Variants in SAMD12 observed in about 807,000 individuals in gnomAD.
SAMD12 encodes the protein sterile alpha motif domain containing 12.
SAMD12 carries 9 observed loss-of-function variants against 15.0 expected under a neutral mutation model. The ratio of observed to expected loss-of-function variants is 0.60; its 90% CI spans 0.36 to 1.05. The LOEUF (loss-of-function observed/expected upper bound fraction) is 1.05. Among genes scored for constraint, SAMD12 ranks in the 50% least tolerant of loss-of-function variants. The pLI is 0.01. For missense variants in SAMD12, 230 were observed against 234.2 expected, an observed-to-expected ratio of 0.98 and a Z score of 0.12; for synonymous variants, 86 against 90.1, an observed-to-expected ratio of 0.96 and a Z score of 0.25.
chr8:118,388,553 C>A (rs950909893), intron 3 of SAMD12, among the ~76,000 whole-genome samples: 1 of 152,088 alleles, frequency 6.6e-6, no homozygotes, highest in African/African-American at 2.4e-5. Flanking sequence ...TCACTCCCAC[C>A]CCTTCCCATA....
chr8:118,340,398 A>C (rs1348983831), intron 4 of SAMD12, among the ~76,000 whole-genome samples: 1 of 152,186 alleles, frequency 6.6e-6, no homozygotes, highest in East Asian at 1.9e-4. Flanking sequence ...TGTCTGTATC[A>C]TTCTTGCCCT....
Position 118,529,593 on chromosome 8 carries a change from A to G in SAMD12, c.192+51122T>C, listed in dbSNP as rs571182689. Among the ~76,000 whole-genome samples the G allele has an allele frequency of 7.2e-5, 11 of 152,144 alleles. No homozygotes were observed. In the East Asian group the frequency reaches 2.1e-3, roughly 29 times the overall value. ...GCCAGTGTCTATTATTCCACTCTCT[A>G]GGTCAATGCACACACATTATTTAGC... is the stretch of plus-strand genomic sequence containing the variant. On this transcript the variant is annotated intron_variant, in intron 2 of 3. Coordinates refer to ENST00000314727, the MANE Select transcript of SAMD12 (RefSeq NM_207506.3).
chr8:118,439,902 C>T lies in SAMD12; in HGVS notation c.252G>A (p.Lys84=), dbSNP rs1822685203. ...VALWTQQDVC[K]WLKKHCPNQY... is the part of the protein sequence containing the mutation. ...GATTCGGACAATGTTTCTTCAACCA[C>T]TTGCAGACATCCTGCTGGGTCCATA... The change falls in exon 3 of 4, where the codon AAG becomes AAA. Residue 84 remains lysine, a synonymous_variant. Transcript: ENST00000314727. 1 of 1,613,416 alleles carries T rather than the reference C, an allele frequency of 6.2e-7. No individual in the cohort carries two copies. Among genetic ancestry groups the T allele is most frequent in the Admixed American group, 1.7e-5 (1 of 59,990 alleles).
chr8:118,197,240 G>A (rs1205724678), exon 5 of SAMD12: 1 of 172,676 alleles, frequency 5.8e-6, no homozygotes, highest in Admixed American at 5.6e-5. Flanking sequence ...TAATCGAGAC[G>A]TGTTTACATT....
At chr8:118,205,476 A>G (rs1419500330) in intron 4 of SAMD12, among the ~76,000 whole-genome samples, 1 of 152,252 alleles carries the variant, frequency 6.6e-6, no homozygotes, top group Non-Finnish European at 1.5e-5. Context: ...CCACAAATGC[A>G]GAAAGCCAGA....
chr8:118,325,963 G>T (rs1408725481), intron 4 of SAMD12, among the ~76,000 whole-genome samples: 2 of 152,194 alleles, frequency 1.3e-5, no homozygotes, highest in African/African-American at 4.8e-5. Context: ...GAAACATTTT[G>T]CCAGCGCTCT....
At chr8:118,596,229 C>T (rs972092402) in intron 1 of SAMD12, among the ~76,000 whole-genome samples, 2 of 152,168 alleles carry the variant, frequency 1.3e-5, no homozygotes, top group African/African-American at 4.8e-5. Context: ...TGTCCTTGTT[C>T]GCTGCTCAGA....
At chr8:118,161,931 G>A in the SAMD12 span, among the ~76,000 whole-genome samples, 2 of 151,768 alleles carry the variant, frequency 1.3e-5, no homozygotes, top group African/African-American at 4.8e-5. Context: ...AGGCCCAGGC[G>A]GGTGGATTAC....
chr8:118,396,235 C>G (rs978425398), intron 3 of SAMD12, among the ~76,000 whole-genome samples: 1 of 152,042 alleles, frequency 6.6e-6, no homozygotes, highest in Non-Finnish European at 1.5e-5. Context: ...AGTCAGTTTC[C>G]TCATCTGTAA....
chr8:118,520,079 G>C (rs1825348767), intron 2 of SAMD12, among the ~76,000 whole-genome samples: 1 of 152,230 alleles, frequency 6.6e-6, no homozygotes, highest in Non-Finnish European at 1.5e-5. Context: ...TCACAGAGCT[G>C]AGAGGGGAAC....
At chr8:118,493,444 G>T (rs1255281377) in intron 2 of SAMD12, among the ~76,000 whole-genome samples, 1 of 152,098 alleles carries the variant, frequency 6.6e-6, no homozygotes, top group African/African-American at 2.4e-5. Context: ...TAAATTAAAG[G>T]AAGCTCATCG....
rs979357274 is a variant in SAMD12 at position 118,378,326 on chromosome 8, G to A, written c.*1091C>T. The A allele has an allele frequency of 1.4e-5, 12 of 875,416 alleles. No individual in the cohort carries two copies. The highest frequency in any genetic ancestry group is 5.8e-4 in the Middle Eastern group (1 of 1,734). The allele number at this position is 875,416 out of a possible 1,614,324, so 54.2% of individuals were successfully genotyped here. ...GACAGACTTTCTTATCATAATCTTC[G>A]TATTTCTATCTACTTCTTAAAAGAA... On this transcript the variant is annotated 3_prime_UTR_variant, in exon 4 of 4. Coordinates refer to ENST00000314727, the MANE Select transcript of SAMD12 (RefSeq NM_207506.3).
intron 2 of SAMD12, among the ~76,000 whole-genome samples, chr8:118,460,705 G>A (rs1823392803): frequency 6.6e-6 from 1 of 152,104 alleles, no homozygotes; most frequent in African/African-American, 2.4e-5. Context: ...GAGGAGAAGG[G>A]CGGAAAAAGC....
intron 4 of SAMD12, among the ~76,000 whole-genome samples, chr8:118,369,537 G>A (rs1485119308): frequency 6.6e-6 from 1 of 152,060 alleles, no homozygotes; most frequent in Non-Finnish European, 1.5e-5. Context: ...CCAACATGGT[G>A]AAACCCCATC....
rs145498118 is a variant in SAMD12, at chr8:118,451,586, A to G, written c.193-11625T>C. On this transcript the variant is annotated intron_variant, in intron 2 of 3. Transcript: ENST00000314727. ...TCAAAAGTCTAAGTGTTTTATTTGG[A>G]TCATTTTATAGAAAAGAGAGGGCTG... Among the ~76,000 whole-genome samples, 1,522 of 152,350 alleles carry G rather than the reference A, an allele frequency of 1.0e-2. 29 individuals carry two copies. The highest frequency in any genetic ancestry group is 0.034 in the African/African-American group (1,401 of 41,584).
chr8:118,301,276 A>G (rs1315089235), intron 4 of SAMD12, among the ~76,000 whole-genome samples: 3 of 152,248 alleles, frequency 2.0e-5, no homozygotes, highest in African/African-American at 4.8e-5. Flanking sequence ...AACATATGTT[A>G]TTATACAACT....
intron 4 of SAMD12, among the ~76,000 whole-genome samples, chr8:118,365,517 C>A (rs1470399527): frequency 2.0e-5 from 3 of 152,112 alleles, no homozygotes; most frequent in African/African-American, 7.2e-5. Flanking sequence ...TGCCCTTGGA[C>A]ACTGTAGCTA....
intron 2 of SAMD12, among the ~76,000 whole-genome samples, chr8:118,507,296 T>A (rs1824947521): frequency 6.6e-6 from 1 of 152,086 alleles, no homozygotes; most frequent in Non-Finnish European, 1.5e-5. Context: ...GTTAGAGTGA[T>A]CTCTCCCTCC....
rs772724244 is a variant in SAMD12, at chr8:118,379,331, A to G, written c.*86T>C. 4.9e-4 allele frequency: 742 copies of G among 1,516,686 alleles called. 2 individuals carry two copies. Among genetic ancestry groups the G allele is most frequent in the Non-Finnish European group, 6.4e-4 (723 of 1,136,404 alleles). The allele number at this position is 1,516,686 out of a possible 1,614,324, so 94.0% of individuals were successfully genotyped here. ...TACGTGACCACCTTGAAGTTAGCTC[A>G]GGTAATTCTGTTTGCTCATCCATTA... On this transcript the variant is annotated 3_prime_UTR_variant, in exon 4 of 4. Transcript: ENST00000314727.
Sources: gnomAD v4.1 joint callset for allele counts (sites outside exome capture counted in the v4.1 genomes callset) on GRCh38, gnomAD v4.1.1 for gene constraint, MANE v1.5 for transcripts, NCBI Gene and HGNC (gene_info 2026-07-23, HGNC 2026-07-21) for gene names.